ARAP1: variants seen among roughly 807,000 people sequenced by gnomAD.
ARAP1 encodes arf-GAP with Rho-GAP domain, ANK repeat and PH domain-containing protein 1.
ARAP1 carries 76 observed loss-of-function variants against 172.2 expected under a neutral mutation model. That is an observed-to-expected ratio of 0.44 (90% CI 0.37 to 0.53). The LOEUF is 0.53. ARAP1 is among the 20% of genes least tolerant of loss of function. ARAP1 has a pLI of 0.00. For missense variants in ARAP1, 1,686 were observed against 1,977.5 expected (o/e 0.85, Z 2.80); for synonymous variants, 804 against 803.3 (o/e 1.00, Z -0.01).
Position 72,693,294 on chromosome 11 carries a change from C to G in ARAP1, c.3954+31G>C. On this transcript the variant is annotated intron_variant, in intron 29 of 34. Transcript: ENST00000393609. This position sits in a 1 kb window ranked among gnomAD's most constrained non-coding sequence, Gnocchi z 4.6. ...GCACATTCAGGTGTACAGGTGCCCACCCTGGGGCAGAACCCAGCGGGGCCA... is the reference window on the plus strand; with the variant it reads ...GCACATTCAGGTGTACAGGTGCCCAGCCTGGGGCAGAACCCAGCGGGGCCA... 6.2e-7 allele frequency: 1 copy of G among 1,609,252 alleles called. No individual in the cohort carries two copies. The highest frequency in any genetic ancestry group is 8.5e-7 in the Non-Finnish European group (1 of 1,176,978).
chr11:72,711,400 G>T, intron 8 of ARAP1, 30 bp downstream of exon 8: 1 of 1,600,248 alleles, frequency 6.2e-7, no homozygotes, highest in Non-Finnish European at 8.6e-7. Context: ...GCTGGAGCAG[G>T]GGTCGCGTCA....
Position 72,698,034 on chromosome 11 carries a change from C to T in ARAP1, c.2614G>A (p.Ala872Thr). The T allele has an allele frequency of 6.2e-7, 1 of 1,609,304 alleles. No individual in the cohort carries two copies. The highest frequency in any genetic ancestry group is 8.5e-7 in the Non-Finnish European group (1 of 1,178,230). Residue 872 changes from alanine (A) to threonine (T), a missense_variant, in exon 19 of 35, where the codon GCT becomes ACT. Transcript: ENST00000393609. Reference protein sequence around the residue: ...FERLGRLPYKAGLSLQRAQEG... With the variant: ...FERLGRLPYKTGLSLQRAQEG... ...TGGGCCCGCTGTAGGCTCAGGCCAG[C>T]TTTGTAGGGTAGGCGTCCCAGCCGC... is the stretch of plus-strand genomic sequence containing the variant.
rs146189628 is a variant in ARAP1, at chr11:72,709,120, G to C, written c.1523+750C>G. On this transcript the variant is annotated intron_variant, in intron 11 of 34. Transcript: ENST00000393609. ...GAGAGACAGGCCTCTGGGAAGAACA[G>C]GGAGCTGAAAAGGGGAGATGCCCAC... Among the ~76,000 whole-genome samples, 221 of 151,974 alleles carry C rather than the reference G, an allele frequency of 1.5e-3. 1 individual carries two copies. In the Middle Eastern group the frequency reaches 0.024, roughly 16 times the overall value.
rs567031486 is a variant in ARAP1, at chr11:72,699,122, G to A, written c.2439-15C>T. ...TGTGCTCAAAGCTGCAAATACACAG[G>A]CCAGGACTCAGGCCCACCTCATCCA... On this transcript the variant is annotated splice_polypyrimidine_tract_variant and intron_variant, in intron 17 of 34. Transcript: ENST00000393609. The surrounding 1 kb of genome is among the most constrained non-coding windows in gnomAD (Gnocchi z 4.2). 2 of 1,613,504 alleles carry A rather than the reference G, an allele frequency of 1.2e-6. No homozygotes were observed. Among genetic ancestry groups the A allele is most frequent in the African/African-American group, 1.3e-5 (1 of 75,002 alleles).
intron 3 of ARAP1, among the ~76,000 whole-genome samples, chr11:72,719,096 C>T (rs1410074218): frequency 6.6e-6 from 1 of 152,130 alleles, no homozygotes; most frequent in Non-Finnish European, 1.5e-5. Context: ...CTTGATGCCA[C>T]AGCTGGTATT....
chr11:72,734,777 G>A (rs1309380113), intron 1 of ARAP1, among the ~76,000 whole-genome samples: 3 of 149,000 alleles, frequency 2.0e-5, no homozygotes, highest in Non-Finnish European at 3.0e-5. Flanking sequence ...TTGGACATTT[G>A]AAATGTGGTC....
chr11:72,735,807 T>C (rs542587160), intron 1 of ARAP1, among the ~76,000 whole-genome samples: 1 of 152,242 alleles, frequency 6.6e-6, no homozygotes, highest in South Asian at 2.1e-4. Flanking sequence ...CTGGCTAACA[T>C]CAAAGACACG....
intron 22 of ARAP1, 126 bp from the exon 23 acceptor site, chr11:72,696,780 A>T: frequency 1.0e-6 from 1 of 956,932 alleles, no homozygotes; most frequent in Non-Finnish European, 1.5e-6. Flanking sequence ...AATGCAGGCC[A>T]GGCATTCAAC....
In ARAP1 at chr11:72,740,663, C is replaced by T. The variant is rs186045064; in HGVS notation, c.-127-8066G>A. Among the ~76,000 whole-genome samples the T allele has an allele frequency of 1.2e-4, 18 of 152,246 alleles. No homozygotes were observed. The East Asian group carries it at 3.1e-3, about 26-fold the overall frequency. On this transcript the variant is annotated intron_variant, in intron 1 of 34. Coordinates refer to ENST00000393609, the MANE Select transcript of ARAP1 (RefSeq NM_001040118.3). ...AATAAGAGACTGACACTCAAAGCCC[C>T]CTCCCTGCCCCCGACTTACCCTCCC...
chr11:72,711,646 G>A, intron 7 of ARAP1, 147 bp from the exon 8 acceptor site: 2 of 614,426 alleles, frequency 3.3e-6, no homozygotes, highest in South Asian at 3.7e-5. Flanking sequence ...GCAAGAAGAT[G>A]GACTTTACAG....
At chr11:72,734,445 A>G (rs1857952888) in intron 1 of ARAP1, among the ~76,000 whole-genome samples, 1 of 152,184 alleles carries the variant, frequency 6.6e-6, no homozygotes, top group Admixed American at 6.5e-5. Context: ...TTAAAAAACA[A>G]CCTTTAAGTA....
intron 1 of ARAP1, among the ~76,000 whole-genome samples, chr11:72,749,109 C>T (rs1005187060): frequency 5.9e-5 from 9 of 152,182 alleles, no homozygotes; most frequent in Non-Finnish European, 1.3e-4. Context: ...TGCTCCAGAG[C>T]GGGGACTGGG....
In ARAP1 at chr11:72,745,855, G is replaced by A. The variant is rs75289874; in HGVS notation, c.-128+6473C>T. 4.0e-3 allele frequency among the ~76,000 whole-genome samples: 609 copies of A among 152,286 alleles called. 11 individuals carry two copies. Among genetic ancestry groups the A allele is most frequent in the East Asian group, 0.029 (151 of 5,168 alleles). On this transcript the variant is annotated intron_variant, in intron 1 of 34. Coordinates refer to ENST00000393609, the MANE Select transcript of ARAP1 (RefSeq NM_001040118.3). ...TTGTGCTTCTCTGAGGGGCAGAGCT[G>A]CTCCTGACCCGCAGCCTCTTGAGTG...
Position 72,712,270 on chromosome 11 carries a change from G to A in ARAP1, c.948C>T (p.Asp316=), listed in dbSNP as rs199568158. Residue 316 remains aspartate (D), a synonymous_variant, in exon 7 of 35, where the codon GAC becomes GAT. Transcript: ENST00000393609. ...PSTIAAPHPM[D]GPPGGSTPVT... ...CGGGGGTGGAGCCCCCAGGCGGCCC[G>A]TCCATGGGGTGTGGCGCAGCTATTG... is the stretch of plus-strand genomic sequence containing the variant. 1.0e-4 allele frequency: 163 copies of A among 1,601,276 alleles called. 2 individuals carry two copies. The East Asian group carries it at 2.3e-3, about 22-fold the overall frequency.
At chr11:72,696,899 G>A (rs1591180327) in intron 22 of ARAP1, 84 bp downstream of exon 22, 1 of 1,404,542 alleles carries the variant, frequency 7.1e-7, no homozygotes, top group African/African-American at 1.4e-5. Context: ...GGTAAGCCTA[G>A]TGCAAGTGCC....
chr11:72,750,217 C>T (rs1038909628), intron 1 of ARAP1, among the ~76,000 whole-genome samples: 7 of 152,202 alleles, frequency 4.6e-5, no homozygotes, highest in African/African-American at 7.2e-5. Flanking sequence ...AGCCCAGGGC[C>T]CGGTCCAGGC....
At chr11:72,698,462 G>A (rs1315853500) in intron 18 of ARAP1, among the ~76,000 whole-genome samples, 2 of 152,236 alleles carry the variant, frequency 1.3e-5, no homozygotes, top group Non-Finnish European at 2.9e-5. Flanking sequence ...TGCTACTGAA[G>A]AGCTAGGACT....
In ARAP1 at chr11:72,692,877, T is replaced by C. The variant is rs1003039444; in HGVS notation, c.3955-92A>G. 2.0e-5 allele frequency: 30 copies of C among 1,505,834 alleles called. No individual in the cohort carries two copies. In the African/African-American group the frequency reaches 3.4e-4, roughly 17 times the overall value. 93.3% of individuals were successfully genotyped at this position (1,505,834 alleles called of 1,614,324 possible). A position where few individuals can be genotyped will look rare whatever the true frequency, so the allele number is the denominator to read the frequency against. On this transcript the variant is annotated intron_variant, in intron 29 of 34. Coordinates refer to ENST00000393609, the MANE Select transcript of ARAP1 (RefSeq NM_001040118.3). ...GATGTGTGGGGTTGGGGTGTGTGTA[T>C]GGCATGTATGTGCAGAAGGTGGAGG...
chr11:72,726,775 C>T lies in ARAP1; in HGVS notation c.354G>A (p.Pro118=), dbSNP rs540846147. Residue 118 remains proline (P), a synonymous_variant, in exon 3 of 35, where the codon CCG becomes CCA. Coordinates refer to ENST00000393609, the MANE Select transcript of ARAP1 (RefSeq NM_001040118.3). This position sits in a 1 kb window ranked among gnomAD's most constrained non-coding sequence, Gnocchi z 6.5. Reference sequence around the variant, plus strand: ...TGGGCGGAAGGCAGCTCCTCCGGGGCGGGATGGGTGGGGCAGCGGGGAGCC... The same window carrying T: ...TGGGCGGAAGGCAGCTCCTCCGGGGTGGGATGGGTGGGGCAGCGGGGAGCC... ...DEGLPAAPPI[P]PRRSCLPPTC... is the part of the protein sequence containing the mutation. 29 of 276,990 alleles carry T rather than the reference C, an allele frequency of 1.0e-4. No individual in the cohort carries two copies. Among genetic ancestry groups the T allele is most frequent in the African/African-American group, 4.9e-4 (9 of 18,336 alleles). The allele number at this position is 276,990 out of a possible 1,614,324, so 17.2% of individuals were successfully genotyped here.
Sources: allele counts gnomAD v4.1 joint callset (sites outside exome capture counted in the v4.1 genomes callset), GRCh38; gene constraint gnomAD v4.1.1; non-coding constraint Gnocchi (gnomAD v3.1); transcripts MANE v1.5; gene names NCBI Gene and HGNC (gene_info 2026-07-23, HGNC 2026-07-21).